Variants in SSC5D observed in about 807,000 individuals in gnomAD.
SSC5D encodes the protein scavenger receptor cysteine rich family member with 5 domains.
SSC5D carries 106 observed loss-of-function variants against 104.6 expected under a neutral mutation model. The ratio of observed to expected loss-of-function variants is 1.01; its 90% CI spans 0.87 to 1.19. The LOEUF (loss-of-function observed/expected upper bound fraction) is 1.19. SSC5D is among the 50% of genes most tolerant of loss of function. The pLI is 0.00. For synonymous variants in SSC5D, 860 were observed against 883.5 expected, an observed-to-expected ratio of 0.97 and a Z score of 0.47; for missense variants, 1,993 against 2,153.8, an observed-to-expected ratio of 0.93 and a Z score of 1.48.
Position 55,513,161 on chromosome 19 carries a change from A to C in SSC5D, c.2936A>C (p.His979Pro). ...GGCAGTCCTCCAACTCTGAGAGTCC[A>C]TGGAGACACAGGTGAGACACGTGGC... ...SPGSPPTLRV[H>P]GDTGSPRKPW... The change falls in exon 13 of 14, where the codon CAT becomes CCT. Residue 979 changes from histidine to proline, a missense_variant. His to Pro is a moderately conservative substitution (Grantham distance 77). Around this residue, in one of 6 missense-constraint regions of SSC5D, gnomAD observed 423 missense variants for 409.2 expected, o/e 1.03. Transcript: ENST00000389623. 1 of 1,505,516 alleles carries C rather than the reference A, an allele frequency of 6.6e-7. No individual in the cohort carries two copies. Among genetic ancestry groups the C allele is most frequent in the African/African-American group, 1.4e-5 (1 of 71,670 alleles). The allele number at this position is 1,505,516 out of a possible 1,614,324, so 93.3% of individuals were successfully genotyped here.
At chr19:55,501,986 T>C (rs1987516623) in intron 12 of SSC5D, among the ~76,000 whole-genome samples, 1 of 152,172 alleles carries the variant, frequency 6.6e-6, no homozygotes, top group South Asian at 2.1e-4. Context: ...CACTGCAGCC[T>C]TGACTGCCCG....
Position 55,500,598 on chromosome 19 carries a change from G to A in SSC5D, c.2411G>A (p.Arg804Gln), listed in dbSNP as rs1264232309. The A allele has an allele frequency of 1.3e-5, 20 of 1,551,646 alleles. No individual in the cohort carries two copies. Among genetic ancestry groups the A allele is most frequent in the East Asian group, 2.4e-5 (1 of 40,930 alleles). ...GTVCDDNWDL[R>Q]DATVACWELG... ...GTGTGTGATGACAACTGGGACCTGCGGGACGCCACTGTGGCCTGCTGGGAA... is the reference window on the plus strand; with the variant it reads ...GTGTGTGATGACAACTGGGACCTGCAGGACGCCACTGTGGCCTGCTGGGAA... The change falls in exon 11 of 14, where the codon CGG (arginine) becomes CAG (glutamine). Residue 804 changes from arginine to glutamine, a missense_variant. By Grantham distance (43) the Arg-to-Gln change is conservative. Transcript: ENST00000389623. This position sits in a 1 kb window ranked among gnomAD's most constrained non-coding sequence, Gnocchi z 4.6.
At chr19:55,493,531 A>T in intron 6 of SSC5D, 64 bp from the exon 7 acceptor site, 1 of 1,342,196 alleles carries the variant, frequency 7.5e-7, no homozygotes, top group South Asian at 1.6e-5. Flanking sequence ...CTGCCTGAGC[A>T]TAGCTTAGTC....
intron 13 of SSC5D, among the ~76,000 whole-genome samples, chr19:55,515,774 G>A (rs557684301): frequency 6.6e-6 from 1 of 152,100 alleles, no homozygotes; most frequent in Admixed American, 6.5e-5. Context: ...GAAACATTTA[G>A]TTTCTCATTC....
Position 55,500,601 on chromosome 19 carries a change from A to G in SSC5D, c.2414A>G (p.Asp805Gly). The G allele has an allele frequency of 6.4e-7, 1 of 1,551,704 alleles. No homozygotes were observed. The highest frequency in any genetic ancestry group is 2.4e-5 in the East Asian group (1 of 40,912). Residue 805 changes from aspartate to glycine, a missense_variant, in exon 11 of 14, where the codon GAC becomes GGC. Around this residue, in one of 6 missense-constraint regions of SSC5D, gnomAD observed 70 missense variants for 107.1 expected, o/e 0.65. Transcript: ENST00000389623. The surrounding 1 kb of genome is among the most constrained non-coding windows in gnomAD (Gnocchi z 4.6). The stretch of plus-strand genomic sequence containing the variant: ...TGTGATGACAACTGGGACCTGCGGG[A>G]CGCCACTGTGGCCTGCTGGGAACTG... Reference protein sequence around the residue: ...TVCDDNWDLRDATVACWELGC... With the variant: ...TVCDDNWDLRGATVACWELGC...
chr19:55,501,494 A>G (rs1987503543), intron 12 of SSC5D, among the ~76,000 whole-genome samples: 1 of 152,144 alleles, frequency 6.6e-6, no homozygotes, highest in Non-Finnish European at 1.5e-5. Flanking sequence ...AGTCAAACCC[A>G]CAACCAAGGG....
At chr19:55,507,421 T>C (rs949011617) in intron 12 of SSC5D, among the ~76,000 whole-genome samples, 3 of 149,842 alleles carry the variant, frequency 2.0e-5, no homozygotes, top group Admixed American at 2.0e-4. Flanking sequence ...TCCCAGCACT[T>C]TGGCAGGCTG....
rs534898101 is a variant in SSC5D at position 55,488,747 on chromosome 19, G to A, written c.25+133G>A. 84 of 831,288 alleles carry A rather than the reference G, an allele frequency of 1.0e-4. 2 individuals carry two copies. Among genetic ancestry groups the A allele is most frequent in the South Asian group, 8.0e-4 (52 of 64,884 alleles). The allele number at this position is 831,288 out of a possible 1,614,324, so 51.5% of individuals were successfully genotyped here. The stretch of plus-strand genomic sequence containing the variant: ...TCCTGCATACCCTGACATCCCTTCT[G>A]AGGATCCCTGCTCAATCTGCCCAGC... On this transcript the variant is annotated intron_variant, in intron 1 of 13. Transcript: ENST00000389623.
intron 7 of SSC5D, 83 bp downstream of exon 7, chr19:55,493,995 T>TC: frequency 9.7e-6 from 2 of 206,964 alleles, no homozygotes; most frequent in South Asian, 2.8e-5. Context: ...GGCGGGGGGG[T>TC]CCCTACGCGC....
rs151256815 is a variant in SSC5D, at chr19:55,495,512, C to T, written c.1387+729C>T. ...CCTCCCAAAGTGCTGGGATTAGAGG[C>T]GTGAGCCACCGTGCCTGGTCTCTTT... On this transcript the variant is annotated intron_variant, in intron 8 of 13. Coordinates refer to ENST00000389623, the MANE Select transcript of SSC5D (RefSeq NM_001144950.2). 7.1e-4 allele frequency among the ~76,000 whole-genome samples: 107 copies of T among 151,342 alleles called. 2 individuals carry two copies. In the East Asian group the frequency reaches 0.019, roughly 27 times the overall value.
At position 55,503,297 on chromosome 19, in the gene SSC5D, T is replaced by G. The variant is rs867739556; in HGVS notation, c.2785+2096T>G. Among the ~76,000 whole-genome samples, 1 of 152,188 alleles carries G rather than the reference T, an allele frequency of 6.6e-6. No individual in the cohort carries two copies. Among genetic ancestry groups the G allele is most frequent in the South Asian group, 2.1e-4 (1 of 4,830 alleles). Reference sequence around the variant, plus strand: ...ACTTTCAGTTCTCAGCTTCGCCACCTGCTTCTCACTCGATTTTTCACGGTC... The same window carrying G: ...ACTTTCAGTTCTCAGCTTCGCCACCGGCTTCTCACTCGATTTTTCACGGTC... On this transcript the variant is annotated intron_variant, in intron 12 of 13. Coordinates refer to ENST00000389623, the MANE Select transcript of SSC5D (RefSeq NM_001144950.2). This position sits in a 1 kb window ranked among gnomAD's most constrained non-coding sequence, Gnocchi z 4.0.
intron 9 of SSC5D, 34 bp from the exon 10 acceptor site, chr19:55,499,782 T>A (rs1226855153): frequency 2.0e-6 from 3 of 1,513,514 alleles, no homozygotes; most frequent in East Asian, 4.9e-5. Flanking sequence ...TCATGGTGTC[T>A]CTGTCTTCTC....
intron 12 of SSC5D, among the ~76,000 whole-genome samples, chr19:55,504,854 G>A (rs747634352): frequency 6.6e-6 from 1 of 152,156 alleles, no homozygotes; most frequent in Non-Finnish European, 1.5e-5. Flanking sequence ...AAGGTGGAAC[G>A]AGAGCTCACC....
chr19:55,489,641 G>C lies in SSC5D; in HGVS notation c.340G>C (p.Asp114His). The C allele has an allele frequency of 6.5e-7, 1 of 1,533,388 alleles. No individual in the cohort carries two copies. The allele number at this position is 1,533,388 out of a possible 1,614,324, so 95.0% of individuals were successfully genotyped here. Residue 114 changes from aspartate to histidine, a missense_variant, in exon 3 of 14, where the codon GAC becomes CAC. Coordinates refer to ENST00000389623, the MANE Select transcript of SSC5D (RefSeq NM_001144950.2). ...GGCCCACATCTGCTCCCACGAGGAG[G>C]ACGCGGGCGTCGTCTGCGCAGGTGA... Reference protein sequence around the residue: ...WKAHICSHEEDAGVVCAGQRV... With the variant: ...WKAHICSHEEHAGVVCAGQRV...
intron 9 of SSC5D, among the ~76,000 whole-genome samples, chr19:55,499,554 A>T (rs1406195561): frequency 1.3e-5 from 2 of 152,182 alleles, no homozygotes; most frequent in African/African-American, 4.8e-5. Context: ...CAGGTGTGAA[A>T]GGGTGAGGGG....
Position 55,517,829 on chromosome 19 carries a change from C to T in SSC5D, c.3553C>T (p.Pro1185Ser), listed in dbSNP as rs1197866444. 6.5e-6 allele frequency: 10 copies of T among 1,548,238 alleles called. No individual in the cohort carries two copies. Among genetic ancestry groups the T allele is most frequent in the Middle Eastern group, 1.7e-4 (1 of 5,974 alleles). Reference sequence around the variant, plus strand: ...TACCACCCCTCACCCCACCACGACCCCTCACCCCACCACCATCACTCACTC... The same window carrying T: ...TACCACCCCTCACCCCACCACGACCTCTCACCCCACCACCATCACTCACTC... ...FPTTPHPTTTPHPTTITHSTM... is the reference protein window; with the variant it reads ...FPTTPHPTTTSHPTTITHSTM... Residue 1185 changes from proline (P) to serine (S), a missense_variant, in exon 14 of 14, where the codon CCT becomes TCT. Pro to Ser is a moderately conservative substitution (Grantham distance 74, BLOSUM62 -1). Transcript: ENST00000389623.
intron 12 of SSC5D, chr19:55,504,198 C>T (rs774971302): frequency 1.3e-6 from 2 of 1,533,592 alleles, no homozygotes; most frequent in South Asian, 2.4e-5. Context: ...CCATAGCGCC[C>T]CCTCGTGGTG....
chr19:55,504,215 G>A (rs563433853), intron 12 of SSC5D: 3 of 1,532,864 alleles, frequency 2.0e-6, no homozygotes, highest in South Asian at 2.4e-5. Context: ...GGTGGAGGCG[G>A]GCACGTGCCG....
At chr19:55,489,780 A>G in intron 3 of SSC5D, 102 bp from the exon 4 acceptor site, 2 of 1,477,348 alleles carry the variant, frequency 1.4e-6, no homozygotes, top group South Asian at 1.2e-5. Flanking sequence ...CCAACCTCCC[A>G]TCCCCTCCAA....
Sources: allele counts gnomAD v4.1 joint callset (sites outside exome capture counted in the v4.1 genomes callset), GRCh38; gene constraint gnomAD v4.1.1; regional missense constraint gnomAD v4.1.1; non-coding constraint Gnocchi (gnomAD v3.1); transcripts MANE v1.5; gene names NCBI Gene and HGNC (gene_info 2026-07-23, HGNC 2026-07-21).